RNF125: variants seen among roughly 807,000 people sequenced by gnomAD.
The protein encoded by RNF125 is E3 ubiquitin-protein ligase RNF125.
In RNF125, 21 loss-of-function variants were observed where a neutral mutation model predicts 26.0. That is an observed-to-expected ratio of 0.81 (90% confidence interval 0.57 to 1.16). The LOEUF (loss-of-function observed/expected upper bound fraction) is 1.16. Among genes scored for constraint, RNF125 ranks in the 50% most tolerant of loss-of-function variants. The pLI is 0.00. For missense variants in RNF125, 270 were observed against 299.4 expected, an observed-to-expected ratio of 0.90 and a Z score of 0.72; for synonymous variants, 95 against 109.2, an observed-to-expected ratio of 0.87 and a Z score of 0.81.
At chr18:32,064,221 C>T (rs1372674003) in intron 4 of RNF125, among the ~76,000 whole-genome samples, 1 of 151,464 alleles carries the variant, frequency 6.6e-6, no homozygotes, top group Non-Finnish European at 1.5e-5. Flanking sequence ...GTCATGAACT[C>T]CTACCTCAAG....
intron 1 of RNF125, among the ~76,000 whole-genome samples, chr18:32,022,196 T>C (rs1196938358): frequency 6.6e-6 from 1 of 152,240 alleles, no homozygotes; most frequent in African/African-American, 2.4e-5. Flanking sequence ...AACTAGGTGG[T>C]TTATGCTGAT....
At chr18:32,061,592 T>G (rs1007375445) in intron 4 of RNF125, among the ~76,000 whole-genome samples, 2 of 152,370 alleles carry the variant, frequency 1.3e-5, no homozygotes, top group South Asian at 4.1e-4. Context: ...TTTTAGGATT[T>G]ACTGCCTTTT....
At chr18:32,064,969 A>G (rs1203669362) in intron 4 of RNF125, among the ~76,000 whole-genome samples, 1 of 152,250 alleles carries the variant, frequency 6.6e-6, no homozygotes, top group Non-Finnish European at 1.5e-5. Flanking sequence ...AGAGGTAGGC[A>G]AACTAATTAA....
chr18:32,040,719 A>T (rs193138611), intron 2 of RNF125, among the ~76,000 whole-genome samples: 87 of 152,274 alleles, frequency 5.7e-4, no homozygotes, highest in African/African-American at 1.9e-3. Flanking sequence ...CTATGAATTG[A>T]TCAATTCATT....
At position 32,032,007 on chromosome 18, in the gene RNF125, C is replaced by G. The variant is rs192674517; in HGVS notation, c.165-5109C>G. 1.2e-3 allele frequency among the ~76,000 whole-genome samples: 187 copies of G among 152,148 alleles called. 3 individuals are homozygous for G. Among genetic ancestry groups the G allele is most frequent in the Admixed American group, 8.1e-3 (124 of 15,270 alleles). ...CTCTGCCTCCTGGGTTCAAGTGATT[C>G]TCCTGCCTCAGCTTCCCAAGTAGCT... On this transcript the variant is annotated intron_variant, in intron 1 of 5. Coordinates refer to ENST00000217740, the MANE Select transcript of RNF125 (RefSeq NM_017831.4).
At chr18:32,076,253 A>G, downstream of RNF125, 1 of 418,964 alleles carries the variant, frequency 2.4e-6, no homozygotes, top group South Asian at 2.1e-5. Context: ...AGCATCAGCC[A>G]GGACATTTAT....
chr18:32,063,612 C>T (rs890461424), intron 4 of RNF125, among the ~76,000 whole-genome samples: 3 of 152,154 alleles, frequency 2.0e-5, no homozygotes, highest in African/African-American at 7.2e-5. Context: ...TTTATGCAAA[C>T]ATTTGTACAC....
intron 1 of RNF125, among the ~76,000 whole-genome samples, chr18:32,036,877 TCTTA>T (rs2039160856): frequency 1.3e-5 from 2 of 152,238 alleles, no homozygotes; most frequent in Non-Finnish European, 1.5e-5. Context: ...CACTTTGAAT[TCTTA>T]CTTTTCTTGA....
chr18:32,067,519 G>A (rs1013770222), intron 5 of RNF125, among the ~76,000 whole-genome samples: 1 of 152,178 alleles, frequency 6.6e-6, no homozygotes, highest in African/African-American at 2.4e-5. Context: ...AGCACTATAT[G>A]TATATATCAC....
chr18:32,090,033 G>A, the RNF125 span, among the ~76,000 whole-genome samples: 3 of 152,218 alleles, frequency 2.0e-5, no homozygotes, highest in Non-Finnish European at 4.4e-5. Context: ...ATCGCTGGAG[G>A]CCAGGAGTTC....
the RNF125 span, among the ~76,000 whole-genome samples, chr18:32,084,910 G>C: frequency 6.6e-6 from 1 of 152,204 alleles, no homozygotes; most frequent in Non-Finnish European, 1.5e-5. Flanking sequence ...AAATGTAACT[G>C]TCTCAAACTG....
intron 4 of RNF125, among the ~76,000 whole-genome samples, chr18:32,064,207 G>C (rs1230094514): frequency 6.6e-6 from 1 of 151,536 alleles, no homozygotes; most frequent in African/African-American, 2.4e-5. Context: ...TGTTAGCCAG[G>C]CTGGTCATGA....
intron 2 of RNF125, among the ~76,000 whole-genome samples, chr18:32,041,112 C>T (rs188587977): frequency 7.9e-4 from 121 of 152,296 alleles, no homozygotes; most frequent in African/African-American, 2.9e-3. Flanking sequence ...CTGTACAGAG[C>T]TTCCTTTAGC....
At chr18:32,075,824 T>C (rs1485745900), downstream of RNF125, 3 of 656,742 alleles carry the variant, frequency 4.6e-6, no homozygotes, top group Non-Finnish European at 5.4e-6. Flanking sequence ...GTTTTCTTTG[T>C]TGTTGTTGTT....
Position 32,068,537 on chromosome 18 carries a change from ACTG to A in RNF125, c.*156_*158del. ...GTTTATTGTTATAGTGCATTTAAAAACTGCTTTAATTTTAATGGTTTAAATCTG... is the reference window on the plus strand; with the variant it reads ...GTTTATTGTTATAGTGCATTTAAAAACTTTAATTTTAATGGTTTAAATCTG... On this transcript the variant is annotated 3_prime_UTR_variant, in exon 6 of 6. Coordinates refer to ENST00000217740, the MANE Select transcript of RNF125 (RefSeq NM_017831.4). 2.0e-6 allele frequency: 1 copy of A among 503,896 alleles called. No homozygotes were observed. Among genetic ancestry groups the A allele is most frequent in the Non-Finnish European group, 3.6e-6 (1 of 280,442 alleles). The allele number at this position is 503,896 out of a possible 1,614,324, so 31.2% of individuals were successfully genotyped here.
intron 2 of RNF125, 67 bp downstream of exon 2, chr18:32,037,336 C>T: frequency 1.1e-6 from 1 of 895,752 alleles, no homozygotes; most frequent in Non-Finnish European, 1.6e-6. Flanking sequence ...TATCATTTCA[C>T]CTCTGCTTCT....
At chr18:32,034,289 A>G (rs1185586180) in intron 1 of RNF125, among the ~76,000 whole-genome samples, 1 of 152,158 alleles carries the variant, frequency 6.6e-6, no homozygotes, top group East Asian at 1.9e-4. Flanking sequence ...TCTGTGGTTC[A>G]TCCTTCACCT....
intron 4 of RNF125, among the ~76,000 whole-genome samples, chr18:32,064,433 T>G (rs2039466040): frequency 8.4e-6 from 1 of 118,710 alleles, no homozygotes; most frequent in Non-Finnish European, 1.7e-5. Flanking sequence ...ACAGAGCTGG[T>G]GCCTCGGCTG....
intron 1 of RNF125, among the ~76,000 whole-genome samples, chr18:32,019,697 T>C (rs541910640): frequency 1.2e-3 from 183 of 152,044 alleles, no homozygotes; most frequent in Middle Eastern, 3.4e-3. Context: ...AACAACCTGC[T>C]AGGGTGGGGC....
Sources: gnomAD v4.1 joint callset for allele counts (sites outside exome capture counted in the v4.1 genomes callset) on GRCh38, gnomAD v4.1.1 for gene constraint, MANE v1.5 for transcripts, NCBI Gene and HGNC (gene_info 2026-07-23, HGNC 2026-07-21) for gene names.